ATG5: variants seen among roughly 807,000 people sequenced by gnomAD.
ATG5 encodes autophagy protein 5.
In ATG5, 14 loss-of-function variants were observed where a neutral mutation model predicts 36.5. The observed-to-expected ratio is 0.38, with a 90% confidence interval of 0.25 to 0.60. ATG5 has a LOEUF of 0.60. Ranked by LOEUF, ATG5 falls within the 20% of genes least tolerant of loss-of-function variation. ATG5 has a pLI of 0.60. For synonymous variants in ATG5, 95 were observed against 101.5 expected (o/e 0.94, Z 0.38); for missense variants, 195 against 326.7 (o/e 0.60, Z 3.11).
At chr6:106,299,289 A>G (rs73775939) in intron 3 of ATG5, among the ~76,000 whole-genome samples, 3,747 of 152,290 alleles carry the variant, frequency 0.025, 64 homozygotes, top group African/African-American at 0.049. Flanking sequence ...ATTACAATGT[A>G]AGTGCTACGT....
chr6:106,297,478 C>A (rs989839371), intron 3 of ATG5, among the ~76,000 whole-genome samples: 5 of 151,864 alleles, frequency 3.3e-5, no homozygotes, highest in African/African-American at 4.8e-5. Flanking sequence ...CTATTAGATG[C>A]AAGAAGGGCC....
At chr6:106,323,170 C>G (rs1771161125) in intron 1 of ATG5, among the ~76,000 whole-genome samples, 1 of 151,814 alleles carries the variant, frequency 6.6e-6, no homozygotes, top group Non-Finnish European at 1.5e-5. Flanking sequence ...GTCTCCTGAC[C>G]TCGTGATCCG....
intron 2 of ATG5, among the ~76,000 whole-genome samples, chr6:106,315,662 TAACA>T (rs752131508): frequency 2.0e-5 from 3 of 152,192 alleles, no homozygotes; most frequent in Non-Finnish European, 4.4e-5. Context: ...AAAACACTTT[TAACA>T]AACAGTTGCT....
chr6:106,216,623 T>C (rs1777048944), intron 6 of ATG5, among the ~76,000 whole-genome samples: 1 of 152,164 alleles, frequency 6.6e-6, no homozygotes, highest in African/African-American at 2.4e-5. Flanking sequence ...GGTTTCTTTT[T>C]AGGGTGATGA....
intron 7 of ATG5, among the ~76,000 whole-genome samples, chr6:106,200,596 T>G (rs1776387069): frequency 6.6e-6 from 1 of 151,908 alleles, no homozygotes; most frequent in African/African-American, 2.4e-5. Context: ...TACCTCAGCC[T>G]CCCAAGTAGC....
rs1393704612 is a variant in ATG5, at chr6:106,321,745, T to C, written c.-59+3781A>G. Among the ~76,000 whole-genome samples the C allele has an allele frequency of 3.3e-5, 5 of 152,298 alleles. No individual in the cohort carries two copies. In the East Asian group the frequency reaches 9.7e-4, roughly 30 times the overall value. ...GCCTCTAGTCTAATTACTTCTTTAA[T>C]AGCATGCACTATCATGCAATGTAGT... On this transcript the variant is annotated intron_variant, in intron 1 of 7. Coordinates refer to ENST00000369076, the MANE Select transcript of ATG5 (RefSeq NM_004849.4).
At chr6:106,201,931 A>G in intron 7 of ATG5, 41 bp downstream of exon 7, 1 of 1,442,916 alleles carries the variant, frequency 6.9e-7, no homozygotes, top group African/African-American at 1.4e-5. Context: ...CTTCAGTAAC[A>G]GAAAATGAAA....
At chr6:106,282,750 T>C (rs1342687671) in intron 4 of ATG5, among the ~76,000 whole-genome samples, 1 of 152,172 alleles carries the variant, frequency 6.6e-6, no homozygotes, top group East Asian at 1.9e-4. Flanking sequence ...TTTTTCTGTA[T>C]CTATTGATTT....
chr6:106,289,731 T>C (rs1206739333), intron 4 of ATG5, among the ~76,000 whole-genome samples: 1 of 152,088 alleles, frequency 6.6e-6, no homozygotes, highest in African/African-American at 2.4e-5. Context: ...AACACTAAAA[T>C]TGTATTTCCA....
chr6:106,205,302 C>T (rs1776588090), intron 6 of ATG5, among the ~76,000 whole-genome samples: 1 of 152,164 alleles, frequency 6.6e-6, no homozygotes, highest in African/African-American at 2.4e-5. Flanking sequence ...CTCCCGCAGT[C>T]CAACCTGAAA....
chr6:106,279,198 G>C (rs541405289), intron 5 of ATG5, among the ~76,000 whole-genome samples: 2 of 152,234 alleles, frequency 1.3e-5, no homozygotes, highest in South Asian at 4.1e-4. Flanking sequence ...CTTTTTCCTT[G>C]GGAGTATTTT....
At chr6:106,312,718 G>A (rs1386429718) in intron 2 of ATG5, among the ~76,000 whole-genome samples, 2 of 151,674 alleles carry the variant, frequency 1.3e-5, no homozygotes, top group Non-Finnish European at 2.9e-5. Flanking sequence ...GGGCTAACAG[G>A]ACAATGCCAC....
At chr6:106,261,164 T>G (rs944345412) in intron 5 of ATG5, among the ~76,000 whole-genome samples, 3 of 152,118 alleles carry the variant, frequency 2.0e-5, no homozygotes, top group African/African-American at 7.2e-5. Flanking sequence ...GAGCTAGAGC[T>G]GAAAGGAAAA....
intron 3 of ATG5, among the ~76,000 whole-genome samples, chr6:106,294,848 A>G (rs1370634642): frequency 6.6e-6 from 1 of 151,244 alleles, no homozygotes; most frequent in South Asian, 2.1e-4. Flanking sequence ...TTCTCAAGAA[A>G]AAAAAAAAAA....
rs1428123208 is a variant in ATG5, at chr6:106,184,499, A to G, written c.*2041T>C. ...CATTTATTTAATTTTTTAATAAACC[A>G]TAAAATTTAAATATTCAAATGAAAA... is the stretch of plus-strand genomic sequence containing the variant. On this transcript the variant is annotated 3_prime_UTR_variant, in exon 8 of 8. Coordinates refer to ENST00000369076, the MANE Select transcript of ATG5 (RefSeq NM_004849.4). 1 of 152,188 alleles carries G rather than the reference A, an allele frequency of 6.6e-6. No homozygotes were observed. Among genetic ancestry groups the G allele is most frequent in the Non-Finnish European group, 1.5e-5 (1 of 68,008 alleles). The allele number at this position is 152,188 out of a possible 1,614,324, so 9.4% of individuals were successfully genotyped here.
At chr6:106,246,392 T>TCTCACACA (rs1387498156) in intron 6 of ATG5, among the ~76,000 whole-genome samples, 11 of 129,644 alleles carry the variant, frequency 8.5e-5, no homozygotes, top group African/African-American at 3.2e-4. Flanking sequence ...TCTCTCTCTC[T>TCTCACACA]CACACACACA....
chr6:106,320,203 C>T (rs1346429701), intron 1 of ATG5, among the ~76,000 whole-genome samples: 1 of 152,132 alleles, frequency 6.6e-6, no homozygotes, highest in Non-Finnish European at 1.5e-5. Context: ...TGCCATCATC[C>T]CTCCCAACTC....
chr6:106,320,937 C>T (rs1771042316), intron 1 of ATG5, among the ~76,000 whole-genome samples: 2 of 152,112 alleles, frequency 1.3e-5, no homozygotes, highest in African/African-American at 4.8e-5. Context: ...GTAATGAGTG[C>T]CTGACCTAGA....
chr6:106,314,249 A>G (rs1770758564), intron 2 of ATG5, among the ~76,000 whole-genome samples: 1 of 152,212 alleles, frequency 6.6e-6, no homozygotes, highest in Non-Finnish European at 1.5e-5. Flanking sequence ...TATGTCAAAC[A>G]TTAGAGTTTG....
Sources: gnomAD v4.1 joint callset for allele counts (sites outside exome capture counted in the v4.1 genomes callset) on GRCh38, gnomAD v4.1.1 for gene constraint, MANE v1.5 for transcripts, NCBI Gene and HGNC (gene_info 2026-07-23, HGNC 2026-07-21) for gene names.